SLC26A7: variants seen among roughly 807,000 people sequenced by gnomAD.
SLC26A7 encodes the protein anion exchange transporter.
Under a neutral mutation model 82.5 loss-of-function variants are expected in SLC26A7, and 59 were observed. That is an observed-to-expected ratio of 0.72 (90% confidence interval 0.58 to 0.89). The LOEUF (loss-of-function observed/expected upper bound fraction) is 0.89. Ranked by LOEUF, SLC26A7 falls within the 40% of genes least tolerant of loss-of-function variation. The probability of loss-of-function intolerance (pLI) is 0.00; values close to 1 mark genes in which losing one functional copy is unlikely to be tolerated. For missense variants in SLC26A7, 820 were observed against 793.0 expected (o/e 1.03, Z -0.41); for synonymous variants, 271 against 274.3 (o/e 0.99, Z 0.12).
At chr8:91,281,497 A>T (rs1372602431) in intron 2 of SLC26A7, among the ~76,000 whole-genome samples, 1 of 152,196 alleles carries the variant, frequency 6.6e-6, no homozygotes, top group African/African-American at 2.4e-5. Flanking sequence ...ATGACTTGAA[A>T]ATCTGCAGAT....
chr8:91,368,315 T>C (rs2130877689), intron 14 of SLC26A7, among the ~76,000 whole-genome samples: 1 of 152,294 alleles, frequency 6.6e-6, no homozygotes, highest in South Asian at 2.1e-4. Flanking sequence ...GTGTGCAGCC[T>C]ACACTTAAGA....
At chr8:91,291,117 C>A (rs1413776914) in intron 3 of SLC26A7, among the ~76,000 whole-genome samples, 1 of 152,098 alleles carries the variant, frequency 6.6e-6, no homozygotes, top group East Asian at 1.9e-4. Flanking sequence ...CATGGATGTT[C>A]TATTTATTAG....
In SLC26A7 at chr8:91,396,282, A is replaced by G. The variant is rs1024290814; in HGVS notation, c.*1185A>G. 4 of 152,126 alleles carry G rather than the reference A, an allele frequency of 2.6e-5. No homozygotes were observed. The highest frequency in any genetic ancestry group is 7.2e-5 in the African/African-American group (3 of 41,462). The allele number at this position is 152,126 out of a possible 1,614,324, so 9.4% of individuals were successfully genotyped here. ...AAAATTATCACCTTCAAAGATAGGC[A>G]TAGACACATAATTATGCTTAAGCTT... On this transcript the variant is annotated 3_prime_UTR_variant, in exon 19 of 19. Transcript: ENST00000276609.
chr8:91,350,278 G>A (rs573936815), intron 9 of SLC26A7, among the ~76,000 whole-genome samples: 1 of 151,622 alleles, frequency 6.6e-6, no homozygotes, highest in Non-Finnish European at 1.5e-5. Context: ...AATAGTACCA[G>A]GTTAGGACAA....
rs1813567533 is a variant in SLC26A7 at position 91,346,471 on chromosome 8, T to A, written c.1140+3005T>A. 2.6e-5 allele frequency among the ~76,000 whole-genome samples: 4 copies of A among 152,244 alleles called. 1 individual carries two copies. In the South Asian group the frequency reaches 8.3e-4, roughly 32 times the overall value. ...ACCCCTTAAATGGCTCTGATTCTCT[T>A]AGGTACTAAATTTATATCCCATAAA... is the stretch of plus-strand genomic sequence containing the variant. On this transcript the variant is annotated intron_variant, in intron 9 of 18. Transcript: ENST00000276609.
At position 91,366,666 on chromosome 8, in the gene SLC26A7, CA is replaced by C; in HGVS notation, c.1576del (p.Met526Ter). On this transcript the variant is annotated frameshift_variant, in exon 14 of 19. Coordinates refer to ENST00000276609, the MANE Select transcript of SLC26A7 (RefSeq NM_052832.4). LOFTEE classifies it high-confidence loss of function. ...AKKFYTDLMNMIQKENACNQP... is the reference protein window; with the variant it reads ...AKKFYTDLMNXIQKENACNQP... The stretch of plus-strand genomic sequence containing the variant: ...AAAAATTTTATACTGATTTAATGAA[CA>C]TGATCCAAAAGGAAAATGCCTGTAA... 6.2e-7 allele frequency: 1 copy of C among 1,613,458 alleles called. No homozygotes were observed. Among genetic ancestry groups the C allele is most frequent in the African/African-American group, 1.3e-5 (1 of 74,988 alleles).
At chr8:91,366,975 A>T (rs1280294827) in intron 14 of SLC26A7, among the ~76,000 whole-genome samples, 1 of 151,898 alleles carries the variant, frequency 6.6e-6, no homozygotes, top group African/African-American at 2.4e-5. Flanking sequence ...AAGACAAATG[A>T]TCCAATTTAA....
chr8:91,352,838 C>G, intron 10 of SLC26A7, 63 bp from the exon 11 acceptor site: 1 of 1,274,394 alleles, frequency 7.8e-7, no homozygotes, highest in Admixed American at 2.0e-5. Context: ...AATACCTTAG[C>G]CCTTTTAAAT....
At chr8:91,210,565 A>C (rs1229784198) in intron 1 of SLC26A7, among the ~76,000 whole-genome samples, 2 of 39,002 alleles carry the variant, frequency 5.1e-5, no homozygotes, top group Non-Finnish European at 1.6e-4. Flanking sequence ...ACACACAGAC[A>C]CACACACACA....
chr8:91,315,055 A>G (rs537434889), intron 4 of SLC26A7, among the ~76,000 whole-genome samples: 2 of 152,288 alleles, frequency 1.3e-5, no homozygotes, highest in Non-Finnish European at 2.9e-5. Context: ...AGGCAGGGCA[A>G]ATCATTTAAC....
chr8:91,276,201 A>G (rs1389035801), intron 2 of SLC26A7, among the ~76,000 whole-genome samples: 1 of 152,030 alleles, frequency 6.6e-6, no homozygotes, highest in Non-Finnish European at 1.5e-5. Context: ...GCTAAGTAAC[A>G]TATCTTCTAC....
At chr8:91,228,880 T>G (rs927183782) in intron 2 of SLC26A7, among the ~76,000 whole-genome samples, 1 of 152,208 alleles carries the variant, frequency 6.6e-6, no homozygotes, top group African/African-American at 2.4e-5. Context: ...AACATTGGTT[T>G]GAAAAAGAAA....
chr8:91,385,342 C>T (rs930581799), intron 15 of SLC26A7, among the ~76,000 whole-genome samples: 2 of 152,034 alleles, frequency 1.3e-5, no homozygotes, highest in Non-Finnish European at 2.9e-5. Flanking sequence ...AAGGTTATAG[C>T]CATAAAATTA....
Position 91,308,893 on chromosome 8 carries a change from C to T in SLC26A7, c.478-9323C>T, listed in dbSNP as rs1586391463. Reference sequence around the variant, plus strand: ...TTGTTTATTTACTTGTTTAACACTTCCTTCCTTTCTGGCACTACAAGATAA... The same window carrying T: ...TTGTTTATTTACTTGTTTAACACTTTCTTCCTTTCTGGCACTACAAGATAA... On this transcript the variant is annotated intron_variant, in intron 4 of 18. Coordinates refer to ENST00000276609, the MANE Select transcript of SLC26A7 (RefSeq NM_052832.4). Among the ~76,000 whole-genome samples the T allele has an allele frequency of 3.3e-5, 5 of 152,160 alleles. No homozygotes were observed. The South Asian group carries it at 1.0e-3, about 32-fold the overall frequency.
At chr8:91,361,084 G>A (rs1476670005) in intron 11 of SLC26A7, among the ~76,000 whole-genome samples, 5 of 151,998 alleles carry the variant, frequency 3.3e-5, no homozygotes, top group Non-Finnish European at 7.4e-5. Flanking sequence ...CATTTAAATT[G>A]TATTCTCTCT....
At position 91,352,227 on chromosome 8, in the gene SLC26A7, C is replaced by G. The variant is rs142932409; in HGVS notation, c.1218+340C>G. ...TTTGACTGTTAGAAAAACATATGTG[C>G]TGGGGCAAGGAAATAGGAAACAAAA... is the stretch of plus-strand genomic sequence containing the variant. On this transcript the variant is annotated intron_variant, in intron 10 of 18. Coordinates refer to ENST00000276609, the MANE Select transcript of SLC26A7 (RefSeq NM_052832.4). Among the ~76,000 whole-genome samples, 865 of 152,120 alleles carry G rather than the reference C, an allele frequency of 5.7e-3. 37 individuals carry two copies. The highest frequency in any genetic ancestry group is 0.051 in the Admixed American group (782 of 15,248).
chr8:91,341,476 A>G (rs552185445), intron 8 of SLC26A7, among the ~76,000 whole-genome samples: 3 of 152,196 alleles, frequency 2.0e-5, no homozygotes, highest in Non-Finnish European at 2.9e-5. Flanking sequence ...GTTTACGAAT[A>G]TCGAACTACC....
chr8:91,267,363 A>T (rs1208348191), intron 2 of SLC26A7, among the ~76,000 whole-genome samples: 1 of 151,966 alleles, frequency 6.6e-6, no homozygotes, highest in Admixed American at 6.6e-5. Context: ...GTTCGATAGA[A>T]TTCAGCAGTG....
At chr8:91,286,473 A>C (rs1034862188) in intron 2 of SLC26A7, among the ~76,000 whole-genome samples, 3 of 152,186 alleles carry the variant, frequency 2.0e-5, no homozygotes, top group African/African-American at 7.2e-5. Context: ...CCATGTAAAG[A>C]TTTCATCCAT....
Sources: allele counts gnomAD v4.1 joint callset (sites outside exome capture counted in the v4.1 genomes callset), GRCh38; gene constraint gnomAD v4.1.1; transcripts MANE v1.5; gene names NCBI Gene and HGNC (gene_info 2026-07-23, HGNC 2026-07-21).